Variants in ELP4 observed in about 807,000 individuals in gnomAD.
ELP4 encodes the protein elongator complex protein 4.
ELP4 carries 51 observed loss-of-function variants against 48.9 expected under a neutral mutation model. That is an observed-to-expected ratio of 1.04 (90% CI 0.83 to 1.32). ELP4 has a LOEUF of 1.32. Among genes scored for constraint, ELP4 ranks in the 40% most tolerant of loss-of-function variants. ELP4 has a pLI of 0.00. For missense variants in ELP4, 519 were observed against 514.6 expected (o/e 1.01, Z -0.08); for synonymous variants, 210 against 189.2 (o/e 1.11, Z -0.90).
intron 1 of ELP4, among the ~76,000 whole-genome samples, chr11:31,515,721 C>A (rs115455284): frequency 6.6e-6 from 1 of 152,082 alleles, no homozygotes; most frequent in East Asian, 1.9e-4. Flanking sequence ...TTCTGAGTAC[C>A]TTTCTGGGCC....
At chr11:31,709,258 GTCATAT>G (rs1010931629) in intron 9 of ELP4, among the ~76,000 whole-genome samples, 2 of 152,080 alleles carry the variant, frequency 1.3e-5, no homozygotes, top group African/African-American at 4.8e-5. Context: ...TTGATGATAC[GTCATAT>G]TACAAACTAT....
At position 31,719,176 on chromosome 11, in the gene ELP4, T is replaced by G. The variant is rs966183868; in HGVS notation, c.1144-64217T>G. ...CTGAGAGGCTGAGGGGAGGATCTCTTGAGCCCGAGAGGTTGAGACTGCAGT... is the reference window on the plus strand; with the variant it reads ...CTGAGAGGCTGAGGGGAGGATCTCTGGAGCCCGAGAGGTTGAGACTGCAGT... On this transcript the variant is annotated intron_variant, in intron 9 of 9. Transcript: ENST00000640961. 4.0e-5 allele frequency among the ~76,000 whole-genome samples: 6 copies of G among 151,808 alleles called. No homozygotes were observed. In the East Asian group the frequency reaches 9.7e-4, roughly 25 times the overall value.
chr11:31,534,058 G>T (rs568781460), intron 2 of ELP4, among the ~76,000 whole-genome samples: 1 of 151,742 alleles, frequency 6.6e-6, no homozygotes, highest in African/African-American at 2.4e-5. Flanking sequence ...GGATGGTCTC[G>T]ATCTCCTGAC....
At chr11:31,717,730 G>A (rs1245579716) in intron 9 of ELP4, among the ~76,000 whole-genome samples, 3 of 151,348 alleles carry the variant, frequency 2.0e-5, no homozygotes, top group African/African-American at 7.3e-5. Flanking sequence ...CTCCAACCTG[G>A]GAGACAGAGT....
rs114894081 is a variant in ELP4, at chr11:31,572,019, G to A, written c.382-22751G>A. On this transcript the variant is annotated intron_variant, in intron 3 of 9. Transcript: ENST00000640961. ...GTCATCAACTGCATTAGCCCCTAAC[G>A]GAGAGTCAGCCTGTCGTTTGAAGCT... 3.1e-3 allele frequency among the ~76,000 whole-genome samples: 470 copies of A among 152,264 alleles called. 8 individuals are homozygous for A. Among genetic ancestry groups the A allele is most frequent in the African/African-American group, 0.011 (458 of 41,534 alleles).
intron 3 of ELP4, among the ~76,000 whole-genome samples, chr11:31,545,262 G>C (rs1956678858): frequency 6.6e-6 from 1 of 152,152 alleles, no homozygotes; most frequent in South Asian, 2.1e-4. Flanking sequence ...TGTATAACTA[G>C]AATAACCAAT....
Position 31,622,103 on chromosome 11 carries a change from C to T in ELP4, c.654-5007C>T, listed in dbSNP as rs187299907. On this transcript the variant is annotated intron_variant, in intron 5 of 9. Transcript: ENST00000640961. ...TTGATTATTTACTATGTACCAAACA[C>T]TTTATCAGTTGATATAATTAAAATC... Among the ~76,000 whole-genome samples, 183 of 151,832 alleles carry T rather than the reference C, an allele frequency of 1.2e-3. 1 individual carries two copies. Among genetic ancestry groups the T allele is most frequent in the Non-Finnish European group, 1.9e-3 (128 of 67,802 alleles).
intron 2 of ELP4, among the ~76,000 whole-genome samples, chr11:31,523,560 GC>G (rs1956249967): frequency 6.6e-6 from 1 of 152,016 alleles, no homozygotes; most frequent in South Asian, 2.1e-4. Context: ...AATGAGCACT[GC>G]CAGAAAAACC....
intron 9 of ELP4, chr11:31,780,691 A>G (rs1948352405): frequency 6.6e-6 from 1 of 152,210 alleles, no homozygotes; most frequent in Non-Finnish European, 1.5e-5. Flanking sequence ...CTTTCGGCCA[A>G]CTGGCTCACC....
At position 31,785,601 on chromosome 11, in the gene ELP4, A is replaced by G. The variant is rs1034265444; in HGVS notation, c.*2077A>G. 29 of 197,268 alleles carry G rather than the reference A, an allele frequency of 1.5e-4. No homozygotes were observed. The highest frequency in any genetic ancestry group is 6.0e-4 in the African/African-American group (26 of 43,370). 12.2% of individuals were successfully genotyped at this position (197,268 alleles called of 1,614,324 possible). A position where few individuals can be genotyped will look rare whatever the true frequency, so the allele number is the denominator to read the frequency against. On this transcript the variant is annotated 3_prime_UTR_variant, in exon 10 of 10. Transcript: ENST00000640961. ...ATAAGTGTACCTGGGCTTTCCAAAA[A>G]TCATATCCAAGTGCTTTGTTTTTCT...
intron 9 of ELP4, among the ~76,000 whole-genome samples, chr11:31,779,531 A>T (rs899252105): frequency 3.9e-5 from 6 of 152,180 alleles, no homozygotes; most frequent in Non-Finnish European, 5.9e-5. Flanking sequence ...AGGCAAGTAG[A>T]GGGGAAAGAA....
At chr11:31,678,535 GTGTGTGTATA>G (rs1565108072) in intron 9 of ELP4, among the ~76,000 whole-genome samples, 1 of 69,442 alleles carries the variant, frequency 1.4e-5, no homozygotes, top group African/African-American at 7.4e-5. Context: ...GTGTGTGTGT[GTGTGTGTATA>G]TGTGCATTTT....
At chr11:31,607,595 T>C (rs1592154253) in intron 5 of ELP4, among the ~76,000 whole-genome samples, 1 of 152,222 alleles carries the variant, frequency 6.6e-6, no homozygotes, top group Non-Finnish European at 1.5e-5. Flanking sequence ...CTCTTAATAC[T>C]ATCACATTGA....
At chr11:31,518,394 C>A (rs1456525153) in intron 1 of ELP4, among the ~76,000 whole-genome samples, 4 of 152,020 alleles carry the variant, frequency 2.6e-5, no homozygotes, top group Non-Finnish European at 4.4e-5. Flanking sequence ...GCGTGTGCAA[C>A]TGCACCTAGC....
chr11:31,756,089 T>G (rs1428847522), intron 9 of ELP4, among the ~76,000 whole-genome samples: 3 of 152,184 alleles, frequency 2.0e-5, no homozygotes, highest in African/African-American at 7.2e-5. Flanking sequence ...CAAATAGAAG[T>G]AACAAAGCCT....
intron 3 of ELP4, among the ~76,000 whole-genome samples, chr11:31,557,573 G>A (rs1469374876): frequency 6.6e-6 from 1 of 152,022 alleles, no homozygotes; most frequent in African/African-American, 2.4e-5. Flanking sequence ...TTGTAGTATA[G>A]TTTGGTCTTT....
intron 9 of ELP4, among the ~76,000 whole-genome samples, chr11:31,725,369 T>G (rs1243411846): frequency 6.6e-6 from 1 of 152,086 alleles, no homozygotes; most frequent in African/African-American, 2.4e-5. Flanking sequence ...CAAGTGAAAC[T>G]CATCCTGCTT....
At chr11:31,691,491 G>A (rs1449486926) in intron 9 of ELP4, among the ~76,000 whole-genome samples, 1 of 151,972 alleles carries the variant, frequency 6.6e-6, no homozygotes, top group Non-Finnish European at 1.5e-5. Flanking sequence ...TTTAAAGTCA[G>A]GCATAAATTG....
At chr11:31,627,697 A>C (rs1944776342) in intron 6 of ELP4, among the ~76,000 whole-genome samples, 1 of 152,046 alleles carries the variant, frequency 6.6e-6, no homozygotes, top group Non-Finnish European at 1.5e-5. Context: ...AATTTTTAAA[A>C]CTTCCTCCAA....
Sources: allele counts gnomAD v4.1 joint callset (sites outside exome capture counted in the v4.1 genomes callset), GRCh38; gene constraint gnomAD v4.1.1; transcripts MANE v1.5; gene names NCBI Gene and HGNC (gene_info 2026-07-23, HGNC 2026-07-21).